The following CTNNBL1 variants were observed in gnomAD, a reference collection of about 807,000 sequenced individuals.
CTNNBL1 encodes the protein catenin beta like 1.
Under a neutral mutation model 72.7 loss-of-function variants are expected in CTNNBL1, and 31 were observed. The observed-to-expected ratio is 0.43, with a 90% CI of 0.32 to 0.58. The LOEUF is 0.58. CTNNBL1 is among the 20% of genes least tolerant of loss of function. The probability of loss-of-function intolerance (pLI) is 0.08; values close to 1 mark genes in which losing one functional copy is unlikely to be tolerated. For synonymous variants in CTNNBL1, 240 were observed against 267.3 expected, an observed-to-expected ratio of 0.90 and a Z score of 1.00; for missense variants, 534 against 725.1, an observed-to-expected ratio of 0.74 and a Z score of 3.03.
intron 13 of CTNNBL1, among the ~76,000 whole-genome samples, chr20:37,852,345 T>C (rs2122841899): frequency 6.6e-6 from 1 of 152,332 alleles, no homozygotes; most frequent in African/African-American, 2.4e-5. Flanking sequence ...TGCATGCCCC[T>C]GTTGTCTTAA....
intron 1 of CTNNBL1, among the ~76,000 whole-genome samples, chr20:37,696,149 A>G (rs1308517121): frequency 3.3e-5 from 5 of 152,250 alleles, no homozygotes; most frequent in South Asian, 2.1e-4. Flanking sequence ...AAGGCAGTCT[A>G]TCCACTGGGT....
At chr20:37,858,368 G>A (rs1487803368) in intron 13 of CTNNBL1, among the ~76,000 whole-genome samples, 1 of 152,224 alleles carries the variant, frequency 6.6e-6, no homozygotes, top group Admixed American at 6.5e-5. Flanking sequence ...TGAAGATGAT[G>A]GGGAGGAGAG....
intron 1 of CTNNBL1, among the ~76,000 whole-genome samples, chr20:37,706,073 A>C (rs2072882232): frequency 1.3e-5 from 2 of 152,254 alleles, no homozygotes; most frequent in South Asian, 4.1e-4. Context: ...AACAATGCAC[A>C]TACTTTAATT....
intron 3 of CTNNBL1, among the ~76,000 whole-genome samples, chr20:37,741,392 T>C (rs1477038729): frequency 6.6e-6 from 1 of 152,192 alleles, no homozygotes; most frequent in Non-Finnish European, 1.5e-5. Flanking sequence ...GTGCCAGCTA[T>C]TATTAGGCAC....
chr20:37,818,275 C>T (rs2072076756), intron 11 of CTNNBL1, among the ~76,000 whole-genome samples: 1 of 152,126 alleles, frequency 6.6e-6, no homozygotes, highest in African/African-American at 2.4e-5. Context: ...TGTGGGGAGA[C>T]AGCATGCAAA....
chr20:37,758,538 C>T (rs921247381), intron 5 of CTNNBL1, among the ~76,000 whole-genome samples: 1 of 152,224 alleles, frequency 6.6e-6, no homozygotes, highest in African/African-American at 2.4e-5. Flanking sequence ...TTTCCACTGC[C>T]CCAGATTCCC....
intron 13 of CTNNBL1, among the ~76,000 whole-genome samples, chr20:37,847,632 T>G (rs2072357575): frequency 6.6e-6 from 1 of 152,168 alleles, no homozygotes. Flanking sequence ...AGAGCATGCC[T>G]GGCTTTTGAC....
At chr20:37,863,244 A>AATG (rs1458995291) in intron 15 of CTNNBL1, among the ~76,000 whole-genome samples, 1 of 152,136 alleles carries the variant, frequency 6.6e-6, no homozygotes, top group East Asian at 1.9e-4. Flanking sequence ...ATAGAGTATA[A>AATG]ATGATTGACC....
chr20:37,831,134 C>G (rs911735390), intron 11 of CTNNBL1, among the ~76,000 whole-genome samples: 2 of 152,200 alleles, frequency 1.3e-5, no homozygotes, highest in African/African-American at 4.8e-5. Flanking sequence ...ATTCACCTGC[C>G]AGTGTAATAC....
At chr20:37,783,332 C>T (rs1292181383) in intron 10 of CTNNBL1, among the ~76,000 whole-genome samples, 1 of 151,828 alleles carries the variant, frequency 6.6e-6, no homozygotes, top group Non-Finnish European at 1.5e-5. Context: ...TTTTGTTGAT[C>T]TTTTTTATCT....
At chr20:37,868,754 G>A (rs956019880) in intron 15 of CTNNBL1, among the ~76,000 whole-genome samples, 7 of 152,098 alleles carry the variant, frequency 4.6e-5, no homozygotes, top group African/African-American at 1.4e-4. Context: ...CCTCTGCTTC[G>A]TACATCCCTA....
chr20:37,785,027 A>G lies in CTNNBL1; in HGVS notation c.1031+5692A>G, dbSNP rs374732184. ...TAGATATACTATTCTAGGGTAAAAT[A>G]TAGTTCCTTCAGCACTTTAAATATG... is the stretch of plus-strand genomic sequence containing the variant. On this transcript the variant is annotated intron_variant, in intron 10 of 15. Coordinates refer to ENST00000361383, the MANE Select transcript of CTNNBL1 (RefSeq NM_030877.5). Among the ~76,000 whole-genome samples, 27 of 152,308 alleles carry G rather than the reference A, an allele frequency of 1.8e-4. No homozygotes were observed. The South Asian group carries it at 5.2e-3, about 29-fold the overall frequency.
chr20:37,712,946 G>A (rs892708214), intron 1 of CTNNBL1, among the ~76,000 whole-genome samples: 1 of 152,100 alleles, frequency 6.6e-6, no homozygotes, highest in Non-Finnish European at 1.5e-5. Flanking sequence ...TTAAAAAATG[G>A]CTTAAGCACC....
chr20:37,714,139 G>A (rs2072965397), intron 1 of CTNNBL1, among the ~76,000 whole-genome samples: 2 of 151,544 alleles, frequency 1.3e-5, no homozygotes, highest in Admixed American at 6.6e-5. Flanking sequence ...CCTCTACCTT[G>A]TACTTTCCTC....
intron 4 of CTNNBL1, among the ~76,000 whole-genome samples, chr20:37,752,482 C>T (rs2073328234): frequency 1.3e-5 from 2 of 151,738 alleles, no homozygotes; most frequent in African/African-American, 4.8e-5. Context: ...TGAATCTATA[C>T]TGGTTTATTT....
At chr20:37,753,585 G>C (rs969890210) in intron 4 of CTNNBL1, among the ~76,000 whole-genome samples, 10 of 152,176 alleles carry the variant, frequency 6.6e-5, no homozygotes, top group Non-Finnish European at 1.2e-4. Flanking sequence ...ACCCGGAAAG[G>C]GGGGACCATG....
At chr20:37,756,756 G>A (rs1038688813) in intron 4 of CTNNBL1, among the ~76,000 whole-genome samples, 3 of 148,246 alleles carry the variant, frequency 2.0e-5, no homozygotes, top group Non-Finnish European at 3.0e-5. Context: ...TCCCACCTTA[G>A]CCTCCCAAGT....
intron 11 of CTNNBL1, among the ~76,000 whole-genome samples, chr20:37,825,313 G>T (rs1007214417): frequency 6.6e-6 from 1 of 151,854 alleles, no homozygotes; most frequent in Admixed American, 6.6e-5. Flanking sequence ...AGATTGCATC[G>T]CTGTACTCCA....
chr20:37,778,840 T>C (rs1334773736), intron 9 of CTNNBL1, among the ~76,000 whole-genome samples: 1 of 152,136 alleles, frequency 6.6e-6, no homozygotes, highest in African/African-American at 2.4e-5. Flanking sequence ...TCATTTAGTT[T>C]TATATGTCCT....
Sources: gnomAD v4.1 joint callset for allele counts (sites outside exome capture counted in the v4.1 genomes callset) on GRCh38, gnomAD v4.1.1 for gene constraint, MANE v1.5 for transcripts, NCBI Gene and HGNC (gene_info 2026-07-23, HGNC 2026-07-21) for gene names.